Variants in H6PD observed in about 807,000 individuals in gnomAD.
H6PD encodes hexose-6-phosphate dehydrogenase/glucose 1-dehydrogenase, also known as GDH/6PGL endoplasmic bifunctional protein.
A neutral mutation model predicts 61.2 loss-of-function variants in H6PD; 48 were observed. That is an observed-to-expected ratio of 0.78 (90% CI 0.62 to 1.00). The LOEUF is 1.00. H6PD is among the 50% of genes least tolerant of loss of function. The probability of loss-of-function intolerance (pLI) is 0.00; values close to 1 mark genes in which losing one functional copy is unlikely to be tolerated. For synonymous variants in H6PD, 480 were observed against 457.9 expected, an observed-to-expected ratio of 1.05 and a Z score of -0.62; for missense variants, 1,093 against 1,065.0, an observed-to-expected ratio of 1.03 and a Z score of -0.37.
At chr1:9,263,475 C>T in intron 4 of H6PD, 34 bp from the exon 5 acceptor site, 1 of 1,609,688 alleles carries the variant, frequency 6.2e-7, no homozygotes, top group Non-Finnish European at 8.5e-7. Context: ...TGGTCTGTGC[C>T]AGAGAGTCAC....
Position 9,262,245 on chromosome 1 carries a change from G to A in H6PD, c.932G>A (p.Gly311Asp), listed in dbSNP as rs1350060778. The change falls in exon 4 of 5, where the codon GGC becomes GAC. Residue 311 changes from glycine (G) to aspartate (D), a missense_variant. Transcript: ENST00000377403. ...CTGCAGAGGGGCAGTGCCGTCGTGG[G>A]CCAGTACCAGTCTTACAGTGAGCAG... The part of the protein sequence containing the change: ...RGLQRGSAVV[G>D]QYQSYSEQVR... 2 of 1,613,028 alleles carry A rather than the reference G, an allele frequency of 1.2e-6. No individual in the cohort carries two copies. Among genetic ancestry groups the A allele is most frequent in the Non-Finnish European group, 1.7e-6 (2 of 1,179,510 alleles).
chr1:9,258,908 A>C (rs1280630703), intron 3 of H6PD, among the ~76,000 whole-genome samples: 1 of 152,002 alleles, frequency 6.6e-6, no homozygotes, highest in African/African-American at 2.4e-5. Context: ...CTGTTGTTAC[A>C]TCGGTGTTAT....
chr1:9,237,756 G>A (rs1388498545), intron 1 of H6PD, among the ~76,000 whole-genome samples: 1 of 152,214 alleles, frequency 6.6e-6, no homozygotes, highest in East Asian at 1.9e-4. Context: ...CTGTGTCACA[G>A]TGCTTGAAGT....
chr1:9,236,902 C>T (rs150465829), intron 1 of H6PD, among the ~76,000 whole-genome samples: 3 of 152,232 alleles, frequency 2.0e-5, no homozygotes, highest in African/African-American at 4.8e-5. Flanking sequence ...AGGTCTTCCA[C>T]GTTTCAACAA....
In H6PD at chr1:9,267,111, C is replaced by G. The variant is rs546598715; in HGVS notation, c.*2242C>G. ...CTGGGATTACAGGCGTGAGCCACCGCGCCCAGCCAGAACATCTGTTTTTAC... is the reference window on the plus strand; with the variant it reads ...CTGGGATTACAGGCGTGAGCCACCGGGCCCAGCCAGAACATCTGTTTTTAC... On this transcript the variant is annotated 3_prime_UTR_variant, in exon 5 of 5. Coordinates refer to ENST00000377403, the MANE Select transcript of H6PD (RefSeq NM_004285.4). The G allele has an allele frequency of 6.6e-6, 1 of 152,588 alleles. No individual in the cohort carries two copies. The highest frequency in any genetic ancestry group is 1.5e-5 in the Non-Finnish European group (1 of 68,346). 9.5% of individuals were successfully genotyped at this position (152,588 alleles called of 1,614,324 possible). A position where few individuals can be genotyped will look rare whatever the true frequency, so the allele number is the denominator to read the frequency against.
chr1:9,243,587 A>G (rs989697754), intron 1 of H6PD, among the ~76,000 whole-genome samples: 2 of 152,132 alleles, frequency 1.3e-5, no homozygotes, highest in African/African-American at 4.8e-5. Context: ...CTAGAGAGCC[A>G]GAGAGCTGTG....
chr1:9,262,182 T>G lies in H6PD; in HGVS notation c.869T>G (p.Leu290Arg), dbSNP rs1044876149. 3.1e-6 allele frequency: 5 copies of G among 1,614,108 alleles called. No homozygotes were observed. In the African/African-American group the frequency reaches 5.3e-5, roughly 17 times the overall value. Residue 290 changes from leucine (L) to arginine (R), a missense_variant, in exon 4 of 5, where the codon CTG becomes CGG. Transcript: ENST00000377403. ...AATGTCAGCAGTGCGGAGGCTGTGC[T>G]GCGGCACAAGCTTCAGGTCTTCCAG... is the stretch of plus-strand genomic sequence containing the variant. Reference protein sequence around the residue: ...PHNVSSAEAVLRHKLQVFQAL... With the variant: ...PHNVSSAEAVRRHKLQVFQAL...
Position 9,245,805 on chromosome 1 carries a change from T to C in H6PD, c.627+244T>C, listed in dbSNP as rs1248654970. Among the ~76,000 whole-genome samples, 1 of 152,160 alleles carries C rather than the reference T, an allele frequency of 6.6e-6. No individual in the cohort carries two copies. Among genetic ancestry groups the C allele is most frequent in the Non-Finnish European group, 1.5e-5 (1 of 68,020 alleles). On this transcript the variant is annotated intron_variant, in intron 2 of 4. Transcript: ENST00000377403. The surrounding 1 kb of genome is among the most constrained non-coding windows in gnomAD (Gnocchi z 4.8). Reference sequence around the variant, plus strand: ...TCCTTTGCAAAGCCCCCGTTCTCGTTGTTTCCCAGTCTGGGCTCTGGCTTC... The same window carrying C: ...TCCTTTGCAAAGCCCCCGTTCTCGTCGTTTCCCAGTCTGGGCTCTGGCTTC...
intron 3 of H6PD, among the ~76,000 whole-genome samples, chr1:9,260,538 CTGT>C (rs1414978587): frequency 1.3e-5 from 2 of 151,836 alleles, no homozygotes; most frequent in Non-Finnish European, 1.5e-5. Flanking sequence ...TACGTTGCTG[CTGT>C]TATGTTGCCG....
chr1:9,265,078 A>G lies in H6PD; in HGVS notation c.*209A>G. The G allele has an allele frequency of 3.2e-6, 2 of 631,768 alleles. No homozygotes were observed. The highest frequency in any genetic ancestry group is 2.7e-5 in the East Asian group (1 of 36,364). The allele number at this position is 631,768 out of a possible 1,614,324, so 39.1% of individuals were successfully genotyped here. ...TTGGTGGATAGATGCAGAAACAAGG[A>G]AGAAATGGAGTCTGCTCCTGAGAAG... On this transcript the variant is annotated 3_prime_UTR_variant, in exon 5 of 5. Coordinates refer to ENST00000377403, the MANE Select transcript of H6PD (RefSeq NM_004285.4).
In H6PD at chr1:9,264,209, G is replaced by C; in HGVS notation, c.1716G>C (p.Glu572Asp). ...TCTCTAAGCTGGCTAATGACATCGA[G>C]GCCACCGCTGTGCGAGCCGTGCGGC... ...ELISKLANDI[E>D]ATAVRAVRRF... Residue 572 changes from glutamate to aspartate, a missense_variant, in exon 5 of 5, where the codon GAG becomes GAC. Glu to Asp is a conservative substitution (Grantham distance 45). Transcript: ENST00000377403. 1 of 1,610,844 alleles carries C rather than the reference G, an allele frequency of 6.2e-7. No individual in the cohort carries two copies. The highest frequency in any genetic ancestry group is 8.5e-7 in the Non-Finnish European group (1 of 1,178,806).
intron 3 of H6PD, among the ~76,000 whole-genome samples, chr1:9,258,816 T>C (rs1454141190): frequency 6.6e-6 from 1 of 152,176 alleles, no homozygotes; most frequent in African/African-American, 2.4e-5. Context: ...TTGCTGTTGT[T>C]ACTCTGGTGT....
chr1:9,248,161 G>T (rs1424637657), intron 3 of H6PD, among the ~76,000 whole-genome samples: 2 of 152,220 alleles, frequency 1.3e-5, no homozygotes, highest in Non-Finnish European at 2.9e-5. Flanking sequence ...TGCAGCGGGA[G>T]CACCCGAGGC....
chr1:9,264,507 A>T lies in H6PD; in HGVS notation c.2014A>T (p.Ile672Phe). ...LCAEEDQGAQ[I>F]YAREISALVA... ...CGCCGAGGAGGACCAGGGCGCCCAGATCTATGCCAGGGAGATCTCAGCCCT... is the reference window on the plus strand; with the variant it reads ...CGCCGAGGAGGACCAGGGCGCCCAGTTCTATGCCAGGGAGATCTCAGCCCT... Residue 672 changes from isoleucine (I) to phenylalanine (F), a missense_variant, in exon 5 of 5, where the codon ATC becomes TTC. Physicochemically the swap from Ile to Phe is conservative, Grantham distance 21. Transcript: ENST00000377403. The T allele has an allele frequency of 1.2e-6, 2 of 1,613,156 alleles. No homozygotes were observed. The highest frequency in any genetic ancestry group is 8.5e-7 in the Non-Finnish European group (1 of 1,179,854).
rs1196096794 is a variant in H6PD at position 9,245,417 on chromosome 1, G to T, written c.483G>T (p.Arg161=). The T allele has an allele frequency of 6.2e-7, 1 of 1,614,008 alleles. No homozygotes were observed. Among genetic ancestry groups the T allele is most frequent in the Non-Finnish European group, 8.5e-7 (1 of 1,180,012 alleles). Residue 161 remains arginine (R), a synonymous_variant, in exon 2 of 5, where the codon CGG becomes CGT. Coordinates refer to ENST00000377403, the MANE Select transcript of H6PD (RefSeq NM_004285.4). The surrounding 1 kb of genome is among the most constrained non-coding windows in gnomAD (Gnocchi z 4.8). ...CCCGCAACATCAACAGTAGCTGCCG[G>T]CCAGGCCCGGGCGCCTGGCTGCGGG... ...DIARNINSSC[R]PGPGAWLRVV...
At position 9,265,177 on chromosome 1, in the gene H6PD, A is replaced by G; in HGVS notation, c.*308A>G. On this transcript the variant is annotated 3_prime_UTR_variant, in exon 5 of 5. Transcript: ENST00000377403. ...TTACACATTCATATCAACCAGCACA[A>G]CACGGGATGGCGCCCAAACTCCGGC... 2.1e-6 allele frequency: 1 copy of G among 471,202 alleles called. No homozygotes were observed. Among genetic ancestry groups the G allele is most frequent in the Non-Finnish European group, 3.9e-6 (1 of 254,890 alleles). The allele number at this position is 471,202 out of a possible 1,614,324, so 29.2% of individuals were successfully genotyped here.
intron 4 of H6PD, among the ~76,000 whole-genome samples, chr1:9,262,559 G>C (rs1405400451): frequency 2.0e-5 from 3 of 152,214 alleles, no homozygotes; most frequent in African/African-American, 7.2e-5. Context: ...CCATGGCCTC[G>C]TGTCAGCCCC....
intron 3 of H6PD, among the ~76,000 whole-genome samples, chr1:9,257,942 G>A (rs1227272740): frequency 6.6e-6 from 1 of 152,244 alleles, no homozygotes; most frequent in African/African-American, 2.4e-5. Flanking sequence ...CTGTATATTC[G>A]AGTCACCGAT....
chr1:9,237,598 T>C (rs764979824), intron 1 of H6PD, among the ~76,000 whole-genome samples: 7 of 152,206 alleles, frequency 4.6e-5, no homozygotes, highest in African/African-American at 7.2e-5. Context: ...GATAATCATG[T>C]TACCTACCTC....
Sources: gnomAD v4.1 joint callset for allele counts (sites outside exome capture counted in the v4.1 genomes callset) on GRCh38, gnomAD v4.1.1 for gene constraint, Gnocchi (gnomAD v3.1) non-coding constraint, MANE v1.5 for transcripts, NCBI Gene and HGNC (gene_info 2026-07-23, HGNC 2026-07-21) for gene names.